MAPT: variants seen among roughly 807,000 people sequenced by gnomAD.
MAPT encodes the protein microtubule-associated protein tau.
A neutral mutation model predicts 67.9 loss-of-function variants in MAPT; 34 were observed. The ratio of observed to expected loss-of-function variants is 0.50; its 90% CI spans 0.38 to 0.67. The LOEUF (loss-of-function observed/expected upper bound fraction) is 0.67. MAPT is among the 30% of genes least tolerant of loss of function. The pLI is 0.00. For missense variants in MAPT, 881 were observed against 1,115.2 expected (o/e 0.79, Z 2.99); for synonymous variants, 456 against 464.5 (o/e 0.98, Z 0.23).
At chr17:45,901,138 GT>G (rs2063583189) in intron 1 of MAPT, among the ~76,000 whole-genome samples, 1 of 152,196 alleles carries the variant, frequency 6.6e-6, no homozygotes, top group Non-Finnish European at 1.5e-5. Flanking sequence ...ATGTTTAAAT[GT>G]ACACACAGAA....
intron 2 of MAPT, among the ~76,000 whole-genome samples, chr17:45,963,540 C>T (rs1245474623): frequency 6.6e-6 from 1 of 152,152 alleles, no homozygotes; most frequent in East Asian, 1.9e-4. Flanking sequence ...CAGTGCAGCC[C>T]GAGGGCAGGA....
intron 4 of MAPT, 50 bp downstream of exon 4, chr17:45,978,490 C>A: frequency 1.4e-5 from 17 of 1,209,884 alleles, no homozygotes; most frequent in Non-Finnish European, 1.8e-5. Flanking sequence ...GGGGGAGGGA[C>A]ATGGGGTGGG....
At chr17:45,978,501 C>T in intron 4 of MAPT, 61 bp downstream of exon 4, 1 of 1,284,478 alleles carries the variant, frequency 7.8e-7, no homozygotes, top group Non-Finnish European at 1.1e-6. Flanking sequence ...ATGGGGTGGG[C>T]TCTGCCCTGA....
chr17:45,939,603 G>A (rs567158469), intron 1 of MAPT, among the ~76,000 whole-genome samples: 2 of 152,360 alleles, frequency 1.3e-5, no homozygotes, highest in African/African-American at 2.4e-5. Flanking sequence ...GGAAATTGCA[G>A]TGCTCCTGAA....
intron 9 of MAPT, chr17:45,999,435 G>C: frequency 1.9e-6 from 3 of 1,614,048 alleles, no homozygotes; most frequent in Non-Finnish European, 2.5e-6. Context: ...GCTTAGCATG[G>C]GAAGTAGCTT....
At chr17:45,994,295 G>T (rs906509015) in intron 8 of MAPT, among the ~76,000 whole-genome samples, 2 of 152,046 alleles carry the variant, frequency 1.3e-5, no homozygotes, top group African/African-American at 4.8e-5. Context: ...ACTTGCCCAC[G>T]ACCACTCTGT....
At chr17:45,994,127 T>G in intron 8 of MAPT, 5 of 704,220 alleles carry the variant, frequency 7.1e-6, no homozygotes, top group East Asian at 5.5e-5. Context: ...CCGAATTCTC[T>G]TCCCTGTGCA....
intron 9 of MAPT, among the ~76,000 whole-genome samples, chr17:46,001,524 G>A (rs1003359510): frequency 3.3e-5 from 5 of 152,160 alleles, no homozygotes; most frequent in African/African-American, 7.2e-5. Context: ...CTGGCTGGGC[G>A]CGGTGGCGCA....
At chr17:45,895,046 G>GGTGTGTGT (rs1404998774) in intron 1 of MAPT, 9 of 134,156 alleles carry the variant, frequency 6.7e-5, no homozygotes, top group African/African-American at 2.9e-4. Flanking sequence ...TGCCGCAATG[G>GGTGTGTGT]GCGTGTGTGT....
At chr17:46,018,525 G>A in intron 11 of MAPT, 93 bp from the exon 12 acceptor site, 1 of 954,720 alleles carries the variant, frequency 1.0e-6, no homozygotes, top group Middle Eastern at 2.1e-4. Context: ...CTGGCACTTT[G>A]CCCTGTAGAC....
intron 1 of MAPT, among the ~76,000 whole-genome samples, chr17:45,904,403 A>T (rs1384171798): frequency 1.1e-5 from 1 of 91,312 alleles, no homozygotes; most frequent in South Asian, 4.3e-4. Context: ...ATATACACAT[A>T]TATATATATA....
intron 11 of MAPT, among the ~76,000 whole-genome samples, chr17:46,014,895 C>CAAAAAAAAAAA (rs2076069518): frequency 7.8e-6 from 1 of 128,766 alleles, no homozygotes; most frequent in Non-Finnish European, 1.9e-5. Context: ...AAAAAAAAAG[C>CAAAAAAAAAAA]ACATGTTCTC....
intron 10 of MAPT, among the ~76,000 whole-genome samples, chr17:46,012,758 C>A (rs2075903001): frequency 1.3e-5 from 2 of 151,796 alleles, no homozygotes; most frequent in African/African-American, 4.8e-5. Flanking sequence ...TCCCAGCCCC[C>A]CTCCCCCTCT....
intron 6 of MAPT, among the ~76,000 whole-genome samples, chr17:45,989,651 AAAAAAGAAAAAG>A (rs910308098): frequency 3.9e-5 from 6 of 152,218 alleles, no homozygotes; most frequent in Admixed American, 1.3e-4. Context: ...ACTCCGTCTC[AAAAAAGAAAAAG>A]AAAAAGAAAA....
intron 1 of MAPT, among the ~76,000 whole-genome samples, chr17:45,941,553 G>C (rs897558839): frequency 1.3e-5 from 2 of 151,400 alleles, no homozygotes; most frequent in Non-Finnish European, 2.9e-5. Context: ...TACACTCTTT[G>C]TGCTTCTTTC....
chr17:45,972,063 G>C (rs754783825), intron 3 of MAPT, 118 bp downstream of exon 3: 2 of 782,814 alleles, frequency 2.6e-6, no homozygotes, highest in Non-Finnish European at 4.4e-6. Flanking sequence ...TCACTCCTTC[G>C]GTGCTTTGCA....
At position 45,989,978 on chromosome 17, in the gene MAPT, G is replaced by A; in HGVS notation, c.1508G>A (p.Ser503Asn). 1 of 1,614,130 alleles carries A rather than the reference G, an allele frequency of 6.2e-7. No individual in the cohort carries two copies. The highest frequency in any genetic ancestry group is 8.5e-7 in the Non-Finnish European group (1 of 1,180,024). ...GSSDPLIQPS[S>N]PAVCPEPPSS... ...TCAGACCCTCTGATCCAACCCTCCA[G>A]CCCTGCTGTGTGCCCAGAGCCACCT... The change falls in exon 7 of 13, where the codon AGC (serine) becomes AAC (asparagine). Residue 503 changes from serine to asparagine, a missense_variant. By Grantham distance (46) the Ser-to-Asn change is conservative. This residue lies in a region of MAPT where 687 missense variants were observed against 766.1 expected (regional missense o/e 0.90). Coordinates refer to ENST00000262410, the MANE Select transcript of MAPT (RefSeq NM_001377265.1).
chr17:45,999,731 T>C (rs1232926038), intron 9 of MAPT: 2 of 1,350,664 alleles, frequency 1.5e-6, no homozygotes, highest in Non-Finnish European at 2.0e-6. Context: ...CACGTCCAAA[T>C]CTACTAAAGG....
At chr17:45,908,270 C>A (rs3785879) in intron 1 of MAPT, 71,922 of 151,898 alleles carry the variant, frequency 0.47, 17,068 homozygotes, top group Middle Eastern at 0.49. Context: ...CACATACCCC[C>A]CACACACACA....
Sources: gnomAD v4.1 joint callset for allele counts (sites outside exome capture counted in the v4.1 genomes callset) on GRCh38, gnomAD v4.1.1 for gene constraint, gnomAD v4.1.1 regional missense constraint, MANE v1.5 for transcripts, NCBI Gene and HGNC (gene_info 2026-07-23, HGNC 2026-07-21) for gene names.